The following MALAT1 variants were observed in gnomAD, a reference collection of about 807,000 sequenced individuals.
The protein encoded by MALAT1 is metastasis associated lung adenocarcinoma transcript 1, also known as hepcarcin.
At chr11:65,498,034 G>T (rs145597021) in intron 1 of MALAT1, 1 of 518,934 alleles carries the variant, frequency 1.9e-6, no homozygotes, top group Non-Finnish European at 3.8e-6. Context: ...TTGGAGGAAA[G>T]CTTTTATTTT....
At chr11:65,500,141 T>A (rs1565676660) in exon 3 of MALAT1, 1 of 499,786 alleles carries the variant, frequency 2.0e-6, no homozygotes, top group East Asian at 5.6e-5. Flanking sequence ...AAGGGGAAGT[T>A]GGTTAAAAAT....
intron 2 of MALAT1, chr11:65,498,862 C>T (rs781484846): frequency 7.7e-6 from 4 of 518,366 alleles, no homozygotes; most frequent in African/African-American, 5.8e-5. Context: ...AGTATTTCTG[C>T]ATGTGTAGTT....
At chr11:65,505,233 G>GAGC (rs1491587864) in intron 3 of MALAT1, 1 of 518,372 alleles carries the variant, frequency 1.9e-6, no homozygotes, top group Non-Finnish European at 3.9e-6. Context: ...GACAACCATG[G>GAGC]AGCCTTCCTG....
chr11:65,499,911 CAAGCT>C (rs1216268714), exon 3 of MALAT1: 12 of 426,620 alleles, frequency 2.8e-5, no homozygotes, highest in Non-Finnish European at 5.4e-5. Flanking sequence ...AAATGAAAAA[CAAGCT>C]AAGACAAGTA....
At chr11:65,505,229 C>CATGG (rs1348572144) in intron 3 of MALAT1, 1 of 518,320 alleles carries the variant, frequency 1.9e-6, no homozygotes. Flanking sequence ...GTAGGACAAC[C>CATGG]ATGGAGCCTT....
exon 3 of MALAT1, chr11:65,500,489 G>A (rs757244948): frequency 1.9e-6 from 1 of 518,960 alleles, no homozygotes; most frequent in Non-Finnish European, 3.8e-6. Flanking sequence ...GGACTGAGGA[G>A]CAAGCGAGCA....
At chr11:65,499,345 A>G (rs757048782) in exon 3 of MALAT1, 6 of 496,928 alleles carry the variant, frequency 1.2e-5, no homozygotes, top group South Asian at 2.9e-5. Flanking sequence ...AAATGTATTT[A>G]AAAGAAAATT....
exon 3 of MALAT1, chr11:65,500,920 T>C (rs993539919): frequency 1.9e-6 from 1 of 513,238 alleles, no homozygotes; most frequent in Middle Eastern, 3.2e-4. Context: ...AGGTTTCTCT[T>C]TTTCAGGCTT....
At chr11:65,499,860 C>T (rs187923588) in exon 3 of MALAT1, 3 of 422,224 alleles carry the variant, frequency 7.1e-6, no homozygotes, top group Non-Finnish European at 1.4e-5. Context: ...AAGATAGAAA[C>T]AAGATAGAAA....
intron 1 of MALAT1, chr11:65,498,134 C>G (rs761180816): frequency 1.9e-6 from 1 of 518,934 alleles, no homozygotes; most frequent in Non-Finnish European, 3.8e-6. Flanking sequence ...AAAAAGCAGA[C>G]CCAGAGCAGT....
chr11:65,499,694 G>T (rs1005691959), exon 3 of MALAT1: 2 of 430,478 alleles, frequency 4.6e-6, no homozygotes, highest in Non-Finnish European at 9.1e-6. Context: ...GGAAGGCGAA[G>T]AAAAGAATAG....
intron 1 of MALAT1, chr11:65,497,870 GTCCCCTCTGACGCCTCCGGGAGCC>G: frequency 1.9e-6 from 1 of 518,490 alleles, no homozygotes; most frequent in South Asian, 1.4e-5. Flanking sequence ...CTGAAGGCAG[GTCCCCTCTGACGCCTCCGGGAGCC>G]CAGGTTTCCC....
At chr11:65,503,626 ATG>A (rs753005239) in exon 3 of MALAT1, 1 of 511,596 alleles carries the variant, frequency 2.0e-6, no homozygotes, top group South Asian at 1.4e-5. Flanking sequence ...TTATTAGAGA[ATG>A]TATACTTTTA....
chr11:65,500,840 T>TA (rs1565052010), exon 3 of MALAT1: 1 of 518,874 alleles, frequency 1.9e-6, no homozygotes. Context: ...TTTTCTAATA[T>TA]AATGGGGGAG....
At chr11:65,500,222 TAGA>T (rs1411772123) in exon 3 of MALAT1, 1 of 516,354 alleles carries the variant, frequency 1.9e-6, no homozygotes, top group Admixed American at 2.0e-5. Context: ...TTGGAAGAGT[TAGA>T]AGAATTTGGA....
At chr11:65,505,127 G>GT (rs771205181) in intron 3 of MALAT1, 19 of 518,634 alleles carry the variant, frequency 3.7e-5, no homozygotes, top group Admixed American at 3.5e-4. Context: ...TGAGCAAACT[G>GT]TGTTGGCGTG....
At chr11:65,499,296 C>CTT (rs745748764) in exon 3 of MALAT1, 1 of 511,868 alleles carries the variant, frequency 2.0e-6, no homozygotes, top group African/African-American at 1.9e-5. Flanking sequence ...GTTTCTAAAA[C>CTT]ATGACGGAGG....
chr11:65,504,787 C>G, intron 3 of MALAT1: 2 of 518,996 alleles, frequency 3.9e-6, no homozygotes, highest in South Asian at 2.8e-5. Context: ...GGGTTTCTCT[C>G]TCCCCTCCCT....
At chr11:65,505,394 T>C (rs763181664) in intron 3 of MALAT1, 1 of 516,456 alleles carries the variant, frequency 1.9e-6, no homozygotes, top group Non-Finnish European at 3.9e-6. Context: ...GGGCTTCTCT[T>C]AACATTTAAG....
Sources: gnomAD v4.1 joint callset for allele counts on GRCh38, gnomAD v4.1.1 for gene constraint, MANE v1.5 for transcripts, NCBI Gene and HGNC (gene_info 2026-07-23, HGNC 2026-07-21) for gene names.